The following PAM variants were observed in gnomAD, a reference collection of about 807,000 sequenced individuals.
The protein encoded by PAM is peptidylglycine alpha-amidating monooxygenase.
Under a neutral mutation model 122.1 loss-of-function variants are expected in PAM, and 72 were observed. The observed-to-expected ratio is 0.59, with a 90% CI of 0.49 to 0.72. The LOEUF is 0.72. PAM is among the 30% of genes least tolerant of loss of function. The pLI is 0.00. For synonymous variants in PAM, 389 were observed against 404.4 expected (o/e 0.96, Z 0.46); for missense variants, 1,106 against 1,183.7 (o/e 0.93, Z 0.96).
chr5:102,948,583 C>G, intron 9 of PAM, 138 bp downstream of exon 9: 1 of 546,086 alleles, frequency 1.8e-6, no homozygotes. Context: ...CTTTATTGTC[C>G]TTGGATTTAA....
chr5:102,889,847 G>A (rs547365561), intron 3 of PAM, among the ~76,000 whole-genome samples: 12 of 151,806 alleles, frequency 7.9e-5, no homozygotes, highest in Non-Finnish European at 1.5e-4. Context: ...GGTCTCTCCC[G>A]TCTCAGAATT....
chr5:102,860,115 C>T (rs138929287), intron 1 of PAM, among the ~76,000 whole-genome samples: 5 of 152,192 alleles, frequency 3.3e-5, no homozygotes, highest in Admixed American at 2.0e-4. Flanking sequence ...TCTTCCTGAC[C>T]GGTTCAGTCC....
At chr5:102,764,392 TC>T (rs1404241045) in intron 1 of PAM, among the ~76,000 whole-genome samples, 3 of 151,974 alleles carry the variant, frequency 2.0e-5, no homozygotes, top group African/African-American at 7.3e-5. Context: ...CACAGGATGG[TC>T]AACAAAAACC....
At chr5:102,768,583 A>G (rs758540784) in intron 1 of PAM, among the ~76,000 whole-genome samples, 9 of 152,178 alleles carry the variant, frequency 5.9e-5, no homozygotes, top group Admixed American at 5.2e-4. Context: ...AAGTGAGAAC[A>G]TGCAAAGTTT....
chr5:102,812,137 A>T (rs1176907400), intron 1 of PAM, among the ~76,000 whole-genome samples: 2 of 152,228 alleles, frequency 1.3e-5, no homozygotes, highest in African/African-American at 4.8e-5. Flanking sequence ...GCATTAAGCC[A>T]TATGAGTCAC....
At chr5:102,897,013 T>C (rs1796400124) in intron 3 of PAM, among the ~76,000 whole-genome samples, 1 of 151,654 alleles carries the variant, frequency 6.6e-6, no homozygotes, top group Non-Finnish European at 1.5e-5. Flanking sequence ...GATTTGATTC[T>C]TTTACATAGT....
At chr5:102,755,484 T>C (rs1464918437) in intron 1 of PAM, 136 bp downstream of exon 1, 2 of 112,666 alleles carry the variant, frequency 1.8e-5, no homozygotes, top group East Asian at 6.2e-4. Context: ...TTGCTTTTTC[T>C]CCCGGGCTGC....
intron 14 of PAM, among the ~76,000 whole-genome samples, chr5:102,961,733 T>C (rs2150250265): frequency 6.6e-6 from 1 of 152,032 alleles, no homozygotes; most frequent in Admixed American, 6.6e-5. Flanking sequence ...TTGTGTTAAG[T>C]TGCCATCTGC....
intron 3 of PAM, among the ~76,000 whole-genome samples, chr5:102,878,075 A>G (rs952974033): frequency 6.6e-6 from 1 of 152,118 alleles, no homozygotes; most frequent in African/African-American, 2.4e-5. Flanking sequence ...ATCTCTATAT[A>G]TAATTATAAA....
At chr5:102,908,051 C>G (rs1800151542) in intron 4 of PAM, among the ~76,000 whole-genome samples, 6 of 152,064 alleles carry the variant, frequency 3.9e-5, no homozygotes, top group Admixed American at 3.9e-4. Flanking sequence ...CTTGCCCATG[C>G]CTATGTCCTG....
chr5:102,888,506 C>T (rs370247958), intron 3 of PAM, among the ~76,000 whole-genome samples: 9 of 152,004 alleles, frequency 5.9e-5, no homozygotes, highest in African/African-American at 2.2e-4. Flanking sequence ...CTCCTTATCT[C>T]CCAAGGCCTT....
intron 1 of PAM, among the ~76,000 whole-genome samples, chr5:102,802,575 T>C (rs947211698): frequency 2.0e-5 from 3 of 152,076 alleles, no homozygotes; most frequent in Non-Finnish European, 4.4e-5. Flanking sequence ...CATAGCATGT[T>C]GTATTGGAGC....
rs759891528 is a variant in PAM at position 103,007,641 on chromosome 5, A to G, written c.2199A>G (p.Ala733=). ...CATCATTTGGAAGAAATGTATTTGC[A>G]ATTTCATATATACCAGGTATTTCAT... ...KHSSFGRNVF[A]ISYIPGLLFA... is the part of the protein sequence containing the mutation. Residue 733 remains alanine, a synonymous_variant, in exon 20 of 26, where the codon GCA becomes GCG. Coordinates refer to ENST00000438793, the MANE Select transcript of PAM (RefSeq NM_001177306.2). 5 of 1,587,178 alleles carry G rather than the reference A, an allele frequency of 3.2e-6. No individual in the cohort carries two copies. In the East Asian group the frequency reaches 1.1e-4, roughly 35 times the overall value.
At position 103,029,061 on chromosome 5, in the gene PAM, C is replaced by G; in HGVS notation, c.2918C>G (p.Ser973Cys). Residue 973 changes from serine to cysteine, a missense_variant, in exon 26 of 26, where the codon TCC becomes TGC. Around this residue, in one of 3 missense-constraint regions of PAM, gnomAD observed 333 missense variants for 335.6 expected, o/e 0.99. Coordinates refer to ENST00000438793, the MANE Select transcript of PAM (RefSeq NM_001177306.2). The stretch of plus-strand genomic sequence containing the variant: ...CTGCCTGCGCTCGCACCTTCCTCCT[C>G]CTGAAAACCAAGCTTTGATTTAGAT... ...APLPALAPSSS is the reference protein window; with the variant it reads ...APLPALAPSSC 1 of 1,601,368 alleles carries G rather than the reference C, an allele frequency of 6.2e-7. No homozygotes were observed. Among genetic ancestry groups the G allele is most frequent in the African/African-American group, 1.3e-5 (1 of 74,284 alleles).
At chr5:102,759,198 G>A (rs201796207) in intron 1 of PAM, among the ~76,000 whole-genome samples, 3 of 151,988 alleles carry the variant, frequency 2.0e-5, no homozygotes, top group African/African-American at 7.3e-5. Flanking sequence ...TAGGATAGCA[G>A]GGTCCTGGGT....
intron 12 of PAM, among the ~76,000 whole-genome samples, chr5:102,953,350 C>A (rs112473697): frequency 6.6e-6 from 1 of 152,034 alleles, no homozygotes; most frequent in Non-Finnish European, 1.5e-5. Flanking sequence ...GTTTTACATA[C>A]ACATGATGGA....
intron 14 of PAM, among the ~76,000 whole-genome samples, chr5:102,966,510 T>A (rs1033662555): frequency 1.3e-5 from 2 of 152,154 alleles, no homozygotes; most frequent in Non-Finnish European, 2.9e-5. Flanking sequence ...TTTGTGATCC[T>A]TGAGCTGGTC....
rs77022953 is a variant in PAM at position 102,891,913 on chromosome 5, C to T, written c.211-9443C>T. ...GAATGCTGTCAGGACCTATTGTTTG[C>T]CTACTTTTCAGACATCTCCTGTTCT... is the stretch of plus-strand genomic sequence containing the variant. On this transcript the variant is annotated intron_variant, in intron 3 of 25. Transcript: ENST00000438793. 1.2e-3 allele frequency among the ~76,000 whole-genome samples: 189 copies of T among 151,862 alleles called. 3 individuals are homozygous for T. The East Asian group carries it at 0.033, about 27-fold the overall frequency.
intron 1 of PAM, among the ~76,000 whole-genome samples, chr5:102,805,333 G>A (rs906599508): frequency 2.0e-5 from 3 of 152,098 alleles, no homozygotes; most frequent in Admixed American, 6.6e-5. Context: ...CTCCCAATGT[G>A]CTGTGATTAT....
Sources: allele counts gnomAD v4.1 joint callset (sites outside exome capture counted in the v4.1 genomes callset), GRCh38; gene constraint gnomAD v4.1.1; regional missense constraint gnomAD v4.1.1; transcripts MANE v1.5; gene names NCBI Gene and HGNC (gene_info 2026-07-23, HGNC 2026-07-21).